The following CENPP variants were observed in gnomAD, a reference collection of about 807,000 sequenced individuals.
CENPP encodes the protein centromere protein P.
CENPP carries 24 observed loss-of-function variants against 35.6 expected under a neutral mutation model. The observed-to-expected ratio is 0.67, with a 90% CI of 0.49 to 0.95. CENPP has a LOEUF of 0.95. Among genes scored for constraint, CENPP ranks in the 40% least tolerant of loss-of-function variants. CENPP has a pLI of 0.00. For missense variants in CENPP, 332 were observed against 345.3 expected (o/e 0.96, Z 0.31); for synonymous variants, 120 against 125.5 (o/e 0.96, Z 0.29).
rs112950607 is a variant in CENPP, at chr9:92,330,981, C to T, written c.108-1189C>T. 6.6e-3 allele frequency among the ~76,000 whole-genome samples: 1,002 copies of T among 152,076 alleles called. 9 individuals carry two copies. Among genetic ancestry groups the T allele is most frequent in the African/African-American group, 0.022 (917 of 41,508 alleles). On this transcript the variant is annotated intron_variant, in intron 1 of 7. Coordinates refer to ENST00000375587, the MANE Select transcript of CENPP (RefSeq NM_001012267.3). ...CTGGGATTGCAGGCGTGAGCCACTG[C>T]GCCAGGCCAACTAAAATTTCATTCT...
intron 4 of CENPP, among the ~76,000 whole-genome samples, chr9:92,353,568 A>G (rs1203503145): frequency 6.6e-6 from 1 of 152,206 alleles, no homozygotes; most frequent in Non-Finnish European, 1.5e-5. Flanking sequence ...AGTCTGGGTC[A>G]GTCATCCCAG....
chr9:92,594,736 C>T (rs1346700519), intron 5 of CENPP, among the ~76,000 whole-genome samples: 1 of 152,106 alleles, frequency 6.6e-6, no homozygotes, highest in Non-Finnish European at 1.5e-5. Flanking sequence ...GGAGGGATCA[C>T]TTGAGGCCAG....
At chr9:92,516,558 CAGA>C (rs1847737108) in intron 5 of CENPP, among the ~76,000 whole-genome samples, 1 of 152,078 alleles carries the variant, frequency 6.6e-6, no homozygotes, top group African/African-American at 2.4e-5. Context: ...GCAAAACATG[CAGA>C]AGAATAGGAA....
intron 5 of CENPP, among the ~76,000 whole-genome samples, chr9:92,460,151 C>T (rs970445051): frequency 2.0e-5 from 3 of 150,896 alleles, no homozygotes; most frequent in Admixed American, 6.6e-5. Context: ...ACTGCAACCT[C>T]AGCCTCCCGA....
intron 5 of CENPP, among the ~76,000 whole-genome samples, chr9:92,607,493 G>A (rs115710482): frequency 5.3e-4 from 80 of 152,256 alleles, no homozygotes; most frequent in African/African-American, 1.6e-3. Flanking sequence ...AGAAAGTGGT[G>A]ATGGTTGCAC....
intron 5 of CENPP, among the ~76,000 whole-genome samples, chr9:92,500,117 CAT>C (rs1846581396): frequency 6.6e-6 from 1 of 152,254 alleles, no homozygotes; most frequent in Middle Eastern, 3.4e-3. Context: ...GGAGTAGTAA[CAT>C]AATCTATTGC....
At chr9:92,509,840 C>T (rs765997025) in intron 5 of CENPP, 46 of 1,494,690 alleles carry the variant, frequency 3.1e-5, no homozygotes, top group Non-Finnish European at 3.8e-5. Context: ...AAAATTTCTA[C>T]AGGACTATAT....
chr9:92,370,256 G>A (rs1352149386), intron 4 of CENPP, among the ~76,000 whole-genome samples: 1 of 152,120 alleles, frequency 6.6e-6, no homozygotes, highest in Non-Finnish European at 1.5e-5. Flanking sequence ...GTGTTCATCA[G>A]GAATATGGGC....
intron 5 of CENPP, among the ~76,000 whole-genome samples, chr9:92,572,213 G>A (rs1351449369): frequency 2.6e-5 from 4 of 152,136 alleles, no homozygotes. Context: ...GCACGTTTTT[G>A]CAGTAACTGG....
intron 5 of CENPP, among the ~76,000 whole-genome samples, chr9:92,582,344 T>C (rs982486589): frequency 6.6e-6 from 1 of 152,120 alleles, no homozygotes; most frequent in African/African-American, 2.4e-5. Flanking sequence ...AGGCATGAAC[T>C]ACCACACCTG....
chr9:92,529,837 G>T (rs887495510), intron 5 of CENPP, among the ~76,000 whole-genome samples: 1 of 152,136 alleles, frequency 6.6e-6, no homozygotes, highest in South Asian at 2.1e-4. Flanking sequence ...GATTCTTAGG[G>T]CAGTGAAACT....
Position 92,390,355 on chromosome 9 carries a change from G to A in CENPP, c.564+10496G>A, listed in dbSNP as rs139862261. 4.6e-4 allele frequency among the ~76,000 whole-genome samples: 70 copies of A among 152,290 alleles called. 2 individuals are homozygous for A. The East Asian group carries it at 0.01, about 23-fold the overall frequency. On this transcript the variant is annotated intron_variant, in intron 5 of 7. Coordinates refer to ENST00000375587, the MANE Select transcript of CENPP (RefSeq NM_001012267.3). ...ATTCCTTGGGATGGTCAGGCAGTTT[G>A]AAAGAAATTCTTGTTGCAAATCATG...
rs80319347 is a variant in CENPP at position 92,523,015 on chromosome 9, G to A, written c.565-88299G>A. 285 of 916,578 alleles carry A rather than the reference G, an allele frequency of 3.1e-4. 2 individuals are homozygous for A. In the East Asian group the frequency reaches 7.4e-3, roughly 24 times the overall value. 56.8% of individuals were successfully genotyped at this position (916,578 alleles called of 1,614,324 possible). On this transcript the variant is annotated intron_variant, in intron 5 of 7. Transcript: ENST00000375587. ...TTGAGAAATTACACTTATGATATATGGACTATATGCTATAGTATTATTGCC... is the reference window on the plus strand; with the variant it reads ...TTGAGAAATTACACTTATGATATATAGACTATATGCTATAGTATTATTGCC...
At chr9:92,345,120 G>A (rs1033660119) in intron 3 of CENPP, among the ~76,000 whole-genome samples, 3 of 152,066 alleles carry the variant, frequency 2.0e-5, no homozygotes, top group Non-Finnish European at 2.9e-5. Context: ...AGGCATGGTG[G>A]CGGGCACCTG....
chr9:92,348,393 CTT>C (rs201975799), intron 4 of CENPP, among the ~76,000 whole-genome samples: 37 of 141,242 alleles, frequency 2.6e-4, no homozygotes, highest in Admixed American at 7.8e-4. Flanking sequence ...CTTCCTATAA[CTT>C]TTTTTTTTTT....
At chr9:92,518,415 A>G (rs1261684347) in intron 5 of CENPP, among the ~76,000 whole-genome samples, 1 of 152,158 alleles carries the variant, frequency 6.6e-6, no homozygotes, top group Non-Finnish European at 1.5e-5. Flanking sequence ...CAGTTCCCTC[A>G]TGTGACCAGA....
At chr9:92,494,281 C>T in intron 5 of CENPP, 1 of 712,028 alleles carries the variant, frequency 1.4e-6, no homozygotes, top group African/African-American at 1.8e-5. Context: ...TTGTTTACAG[C>T]TTAGATTGCC....
At chr9:92,462,737 T>G (rs1006399700) in intron 5 of CENPP, among the ~76,000 whole-genome samples, 10 of 152,208 alleles carry the variant, frequency 6.6e-5, no homozygotes, top group African/African-American at 2.4e-4. Context: ...TCTAATTTCT[T>G]GAATTTTGAT....
intron 5 of CENPP, among the ~76,000 whole-genome samples, chr9:92,524,807 G>T (rs1588230047): frequency 6.6e-6 from 1 of 152,290 alleles, no homozygotes; most frequent in Non-Finnish European, 1.5e-5. Flanking sequence ...TAACTAACTT[G>T]CTCAGTGATG....
Sources: allele counts gnomAD v4.1 joint callset (sites outside exome capture counted in the v4.1 genomes callset), GRCh38; gene constraint gnomAD v4.1.1; transcripts MANE v1.5; gene names NCBI Gene and HGNC (gene_info 2026-07-23, HGNC 2026-07-21).